Variants in CDH19 observed in about 807,000 individuals in gnomAD.
CDH19 encodes cadherin 19.
A neutral mutation model predicts 64.2 loss-of-function variants in CDH19; 67 were observed. The ratio of observed to expected loss-of-function variants is 1.04; its 90% CI spans 0.86 to 1.28. The LOEUF (loss-of-function observed/expected upper bound fraction) is 1.28, where lower values mean the gene tolerates loss of function less well. CDH19 is among the 50% of genes most tolerant of loss of function. CDH19 has a pLI of 0.00. For missense variants in CDH19, 1,030 were observed against 929.0 expected (o/e 1.11, Z -1.41); for synonymous variants, 346 against 319.3 (o/e 1.08, Z -0.89).
intron 9 of CDH19, among the ~76,000 whole-genome samples, chr18:66,516,004 C>A (rs1200838866): frequency 6.6e-6 from 1 of 151,718 alleles, no homozygotes; most frequent in Non-Finnish European, 1.5e-5. Flanking sequence ...ACAGAATACC[C>A]AAATTACATT....
At chr18:66,537,036 A>G (rs1208852846) in intron 7 of CDH19, among the ~76,000 whole-genome samples, 1 of 151,988 alleles carries the variant, frequency 6.6e-6, no homozygotes, top group Admixed American at 6.6e-5. Context: ...AAAACAGCAC[A>G]CAGCATTTCT....
intron 4 of CDH19, 38 bp downstream of exon 4, chr18:66,554,367 G>A (rs774638491): frequency 6.2e-7 from 1 of 1,603,802 alleles, no homozygotes. Context: ...GCCTTCTTTA[G>A]AATCATGTTA....
chr18:66,539,505 T>C (rs1986804951), intron 7 of CDH19, among the ~76,000 whole-genome samples: 1 of 152,110 alleles, frequency 6.6e-6, no homozygotes, highest in Admixed American at 6.5e-5. Context: ...TTGTCAAATG[T>C]TTTTTCTTTG....
In CDH19 at chr18:66,539,897, C is replaced by T. The variant is rs192871321; in HGVS notation, c.1214+4074G>A. Among the ~76,000 whole-genome samples the T allele has an allele frequency of 1.6e-4, 24 of 150,868 alleles. No individual in the cohort carries two copies. The East Asian group carries it at 3.1e-3, about 20-fold the overall frequency. On this transcript the variant is annotated intron_variant, in intron 7 of 11. Coordinates refer to ENST00000262150, the MANE Select transcript of CDH19 (RefSeq NM_021153.4). ...ATATATGGTTGTTTGTAAATGTATACGTGTGTGTGTGTGTATGCTAAGGTT... is the reference window on the plus strand; with the variant it reads ...ATATATGGTTGTTTGTAAATGTATATGTGTGTGTGTGTGTATGCTAAGGTT...
At chr18:66,568,189 T>A (rs1420885049) in intron 3 of CDH19, among the ~76,000 whole-genome samples, 1 of 151,812 alleles carries the variant, frequency 6.6e-6, no homozygotes, top group African/African-American at 2.4e-5. Flanking sequence ...ATATCTAAAC[T>A]TCTTTTATTC....
chr18:66,602,752 T>G (rs1568218062), intron 1 of CDH19, among the ~76,000 whole-genome samples: 2 of 151,458 alleles, frequency 1.3e-5, no homozygotes, highest in Admixed American at 6.6e-5. Flanking sequence ...CTAAATGACA[T>G]AAATTGATTG....
chr18:66,511,512 A>C, intron 10 of CDH19, 56 bp downstream of exon 10: 1 of 740,348 alleles, frequency 1.4e-6, no homozygotes, highest in South Asian at 1.6e-5. Flanking sequence ...ATTCCATTAA[A>C]GTCTAACATG....
At chr18:66,517,933 G>A (rs116196749) in intron 9 of CDH19, among the ~76,000 whole-genome samples, 218 of 151,820 alleles carry the variant, frequency 1.4e-3, no homozygotes, top group African/African-American at 4.8e-3. Context: ...TGGAAGCACT[G>A]CATTACATAC....
intron 11 of CDH19, among the ~76,000 whole-genome samples, chr18:66,507,779 T>G (rs577648458): frequency 6.6e-6 from 1 of 152,066 alleles, no homozygotes; most frequent in African/African-American, 2.4e-5. Flanking sequence ...ACTTTTGGAT[T>G]ATTTTTAGTT....
chr18:66,536,458 G>A (rs1001920967), intron 7 of CDH19, among the ~76,000 whole-genome samples: 1 of 151,614 alleles, frequency 6.6e-6, no homozygotes, highest in African/African-American at 2.4e-5. Flanking sequence ...ATTATACAGT[G>A]TTTTAACAGT....
At chr18:66,541,345 A>G (rs1986878432) in intron 7 of CDH19, among the ~76,000 whole-genome samples, 1 of 146,202 alleles carries the variant, frequency 6.8e-6, no homozygotes, top group South Asian at 2.3e-4. Context: ...CAATATCCTA[A>G]TATTTTTTCT....
chr18:66,569,318 T>G (rs986803020), intron 2 of CDH19, among the ~76,000 whole-genome samples: 5 of 151,650 alleles, frequency 3.3e-5, no homozygotes, highest in Non-Finnish European at 7.4e-5. Flanking sequence ...GATCAATTTT[T>G]CTATAGAGAA....
chr18:66,573,219 G>A (rs1249391179), intron 1 of CDH19, among the ~76,000 whole-genome samples: 1 of 151,512 alleles, frequency 6.6e-6, no homozygotes, highest in Non-Finnish European at 1.5e-5. Flanking sequence ...AAATAATTTT[G>A]TAAGATTCAC....
intron 3 of CDH19, 33 bp from the exon 4 acceptor site, chr18:66,554,557 G>T (rs1232200812): frequency 6.3e-7 from 1 of 1,590,380 alleles, no homozygotes; most frequent in Non-Finnish European, 8.6e-7. Context: ...AATTAAGATT[G>T]TGGTTTTATT....
chr18:66,536,403 A>G (rs1986673483), intron 7 of CDH19, among the ~76,000 whole-genome samples: 1 of 151,824 alleles, frequency 6.6e-6, no homozygotes, highest in South Asian at 2.1e-4. Flanking sequence ...TTCCCTAAAT[A>G]TCCCCAAGTG....
chr18:66,525,446 T>C (rs373286877), intron 9 of CDH19, among the ~76,000 whole-genome samples: 1 of 152,050 alleles, frequency 6.6e-6, no homozygotes, highest in African/African-American at 2.4e-5. Context: ...CTTTAAAAAG[T>C]TTTTAGTGGC....
chr18:66,528,372 G>A (rs1015124230), intron 9 of CDH19, among the ~76,000 whole-genome samples: 4 of 151,980 alleles, frequency 2.6e-5, no homozygotes, highest in African/African-American at 2.4e-5. Flanking sequence ...TATACTGTAC[G>A]CCCATACATT....
intron 9 of CDH19, among the ~76,000 whole-genome samples, chr18:66,526,142 T>C (rs1227471539): frequency 6.6e-6 from 1 of 152,094 alleles, no homozygotes; most frequent in Non-Finnish European, 1.5e-5. Flanking sequence ...GAATATGGGG[T>C]AAAAATCACT....
intron 3 of CDH19, among the ~76,000 whole-genome samples, chr18:66,561,451 T>G (rs1414154236): frequency 6.6e-6 from 1 of 152,144 alleles, no homozygotes; most frequent in Non-Finnish European, 1.5e-5. Flanking sequence ...GCCACAGCCT[T>G]AAGTCCTATT....
Sources: allele counts gnomAD v4.1 joint callset (sites outside exome capture counted in the v4.1 genomes callset), GRCh38; gene constraint gnomAD v4.1.1; transcripts MANE v1.5; gene names NCBI Gene and HGNC (gene_info 2026-07-23, HGNC 2026-07-21).